The following USP32 variants were observed in gnomAD, a reference collection of about 807,000 sequenced individuals.
The protein encoded by USP32 is ubiquitin specific peptidase 32.
In USP32, 59 loss-of-function variants were observed where a neutral mutation model predicts 204.8. That is an observed-to-expected ratio of 0.29 (90% CI 0.23 to 0.36). The LOEUF (loss-of-function observed/expected upper bound fraction) is 0.36, where lower values mean the gene tolerates loss of function less well. Ranked by LOEUF, USP32 falls within the 10% of genes least tolerant of loss-of-function variation. USP32 has a pLI of 1.00. For synonymous variants in USP32, 517 were observed against 678.4 expected (o/e 0.76, Z 3.70); for missense variants, 1,160 against 1,946.4 (o/e 0.60, Z 7.60).
In USP32 at chr17:60,276,964, T is replaced by C. The variant is rs895987156; in HGVS notation, c.572-5483A>G. Among the ~76,000 whole-genome samples, 202 of 150,316 alleles carry C rather than the reference T, an allele frequency of 1.3e-3. 2 individuals carry two copies. The highest frequency in any genetic ancestry group is 4.6e-3 in the African/African-American group (189 of 40,668). On this transcript the variant is annotated intron_variant, in intron 5 of 33. Transcript: ENST00000300896. ...ACATATACATATATATATATATATA[T>C]ATAAAATTACCAAACATTTTACATG...
intron 2 of USP32, among the ~76,000 whole-genome samples, chr17:60,319,263 C>T (rs977277360): frequency 1.3e-5 from 2 of 151,918 alleles, no homozygotes; most frequent in African/African-American, 4.8e-5. Flanking sequence ...ATATATTTTG[C>T]CACAACAAAA....
upstream of USP32, among the ~76,000 whole-genome samples, chr17:60,396,918 A>C (rs1049826761): frequency 6.6e-6 from 1 of 152,202 alleles, no homozygotes; most frequent in African/African-American, 2.4e-5. Flanking sequence ...CCTTCAAATT[A>C]ATAGTTTACA....
chr17:60,332,095 TAA>T (rs1409203178), intron 2 of USP32, among the ~76,000 whole-genome samples: 1 of 151,042 alleles, frequency 6.6e-6, no homozygotes, highest in Non-Finnish European at 1.5e-5. Context: ...AAAAATAAAA[TAA>T]AATACAAAAA....
chr17:60,307,734 A>C (rs1204091316), intron 2 of USP32, among the ~76,000 whole-genome samples: 1 of 152,130 alleles, frequency 6.6e-6, no homozygotes, highest in Non-Finnish European at 1.5e-5. Flanking sequence ...GACCTAGGTG[A>C]GGACAGGCAC....
chr17:60,409,406 G>A (rs1202890160), intron 1 of USP32, among the ~76,000 whole-genome samples: 2 of 152,130 alleles, frequency 1.3e-5, no homozygotes, highest in African/African-American at 2.4e-5. Context: ...CTCTATGCAC[G>A]TCGGGCAGTG....
chr17:60,321,114 T>C (rs1287856527), intron 2 of USP32, among the ~76,000 whole-genome samples: 2 of 152,084 alleles, frequency 1.3e-5, no homozygotes, highest in Non-Finnish European at 2.9e-5. Flanking sequence ...AAAAAGAATA[T>C]TGAGGAGAGG....
chr17:60,222,266 T>C (rs541956855), intron 15 of USP32, 143 bp downstream of exon 15: 29 of 901,644 alleles, frequency 3.2e-5, no homozygotes, highest in African/African-American at 1.2e-4. Flanking sequence ...GAACTTAACA[T>C]TGAACAATCC....
chr17:60,412,895 G>A (rs547587872), intron 1 of USP32, among the ~76,000 whole-genome samples: 159 of 152,260 alleles, frequency 1.0e-3, no homozygotes, highest in Non-Finnish European at 2.0e-3. Flanking sequence ...TTAGGCCCCA[G>A]CAATTTTGAC....
rs748321912 is a variant in USP32 at position 60,244,570 on chromosome 17, T to C, written c.1136+7811A>G. Among the ~76,000 whole-genome samples the C allele has an allele frequency of 7.8e-4, 119 of 152,230 alleles. 2 individuals are homozygous for C. Among genetic ancestry groups the C allele is most frequent in the Non-Finnish European group, 1.8e-4 (12 of 68,036 alleles). Reference sequence around the variant, plus strand: ...TAAATAAAACTATTTTGGGGGATCATTTTCTTAGAGATTGTTGTAGGGTTT... The same window carrying C: ...TAAATAAAACTATTTTGGGGGATCACTTTCTTAGAGATTGTTGTAGGGTTT... On this transcript the variant is annotated intron_variant, in intron 11 of 33. Transcript: ENST00000300896.
At chr17:60,247,765 C>A (rs926652399) in intron 11 of USP32, among the ~76,000 whole-genome samples, 1 of 151,940 alleles carries the variant, frequency 6.6e-6, no homozygotes, top group Non-Finnish European at 1.5e-5. Context: ...CTCATTGCAA[C>A]CTCCACCTCC....
intron 1 of USP32, among the ~76,000 whole-genome samples, chr17:60,405,353 C>T (rs2143038913): frequency 6.6e-6 from 1 of 152,110 alleles, no homozygotes; most frequent in South Asian, 2.1e-4. Context: ...CAGGCACACA[C>T]CTCCAAGCCA....
In USP32 at chr17:60,178,844, G is replaced by T. The variant is rs1330475855; in HGVS notation, c.*411C>A. 6.6e-6 allele frequency among the ~76,000 whole-genome samples: 1 copy of T among 152,174 alleles called. No individual in the cohort carries two copies. Among genetic ancestry groups the T allele is most frequent in the Admixed American group, 6.5e-5 (1 of 15,278 alleles). ...GAAAAAGGAGGTAGCATATCATGTC[G>T]TCCCTAGACAACATTATAATTGTTT... On this transcript the variant is annotated 3_prime_UTR_variant, in exon 34 of 34. Transcript: ENST00000300896.
At chr17:60,351,751 C>T (rs141285121) in intron 1 of USP32, among the ~76,000 whole-genome samples, 203 of 152,300 alleles carry the variant, frequency 1.3e-3, no homozygotes, top group Non-Finnish European at 2.5e-3. Context: ...TAAATGTCTA[C>T]TTATCTCAGT....
Position 60,228,495 on chromosome 17 carries a change from CTTTTTCTTTTTTT to C in USP32, c.1240-2277_1240-2265del, listed in dbSNP as rs1190928048. ...GACATTTAAATTAGGTTTCTTTTTT[CTTTTTCTTTTTTT>C]TTTTTTTTTTAATTAAAACAAGTTT... is the stretch of plus-strand genomic sequence containing the variant. On this transcript the variant is annotated intron_variant, in intron 12 of 33. Transcript: ENST00000300896. Among the ~76,000 whole-genome samples, 4 of 135,792 alleles carry C rather than the reference CTTTTTCTTTTTTT, an allele frequency of 2.9e-5. No homozygotes were observed. In the East Asian group the frequency reaches 8.1e-4, roughly 28 times the overall value. The allele number at this position is 135,792 out of a possible 152,430, so 89.1% of individuals were successfully genotyped here.
At chr17:60,363,102 C>T (rs2089242093) in intron 1 of USP32, among the ~76,000 whole-genome samples, 1 of 151,722 alleles carries the variant, frequency 6.6e-6, no homozygotes, top group Admixed American at 6.6e-5. Context: ...TCAGCCTGGG[C>T]AACACAGTGA....
chr17:60,185,677 A>G (rs1392430367), intron 29 of USP32, 26 bp from the exon 30 acceptor site: 1 of 1,596,828 alleles, frequency 6.3e-7, no homozygotes, highest in South Asian at 1.1e-5. Context: ...ACAGGAGGAA[A>G]GGGGTGCGTG....
chr17:60,307,383 G>T (rs1477729581), intron 2 of USP32, among the ~76,000 whole-genome samples: 1 of 152,112 alleles, frequency 6.6e-6, no homozygotes, highest in Non-Finnish European at 1.5e-5. Flanking sequence ...TTACAGGCGT[G>T]AGCCACCACA....
intron 1 of USP32, among the ~76,000 whole-genome samples, chr17:60,388,166 T>C (rs748187150): frequency 6.6e-6 from 1 of 152,140 alleles, no homozygotes; most frequent in African/African-American, 2.4e-5. Flanking sequence ...CTATAGTTCA[T>C]CACTCAGCTA....
intron 2 of USP32, among the ~76,000 whole-genome samples, chr17:60,327,892 T>G (rs2088284610): frequency 6.6e-6 from 1 of 152,234 alleles, no homozygotes; most frequent in Non-Finnish European, 1.5e-5. Flanking sequence ...ACGTGCTAGC[T>G]GCCTGCCACC....
Sources: gnomAD v4.1 joint callset for allele counts (sites outside exome capture counted in the v4.1 genomes callset) on GRCh38, gnomAD v4.1.1 for gene constraint, MANE v1.5 for transcripts, NCBI Gene and HGNC (gene_info 2026-07-23, HGNC 2026-07-21) for gene names.